The following ZNF254 variants were observed in gnomAD, a reference collection of about 807,000 sequenced individuals.
ZNF254 encodes zinc finger protein 254.
Under a neutral mutation model 12.4 loss-of-function variants are expected in ZNF254, and 10 were observed. The ratio of observed to expected loss-of-function variants is 0.80; its 90% CI spans 0.50 to 1.36. The LOEUF (loss-of-function observed/expected upper bound fraction) is 1.36, where lower values mean the gene tolerates loss of function less well. ZNF254 is among the 40% of genes most tolerant of loss of function. The pLI, the probability that ZNF254 is intolerant of heterozygous loss-of-function variation, is 0.00. For synonymous variants in ZNF254, 305 were observed against 253.4 expected (o/e 1.20, Z -1.93); for missense variants, 996 against 763.9 (o/e 1.30, Z -3.58).
upstream of ZNF254, among the ~76,000 whole-genome samples, chr19:24,084,245 C>A (rs1238105305): frequency 6.7e-6 from 1 of 149,814 alleles, no homozygotes; most frequent in Non-Finnish European, 1.5e-5. Context: ...AAAATAATAG[C>A]ACTTGCAGCA....
chr19:24,080,359 C>G (rs1971803817), intron 2 of ZNF254: 1 of 152,194 alleles, frequency 6.6e-6, no homozygotes, highest in Non-Finnish European at 1.5e-5. Flanking sequence ...AAACTGACCA[C>G]TGGAAGAGGG....
chr19:24,060,663 T>G (rs1971032153), intron 2 of ZNF254, among the ~76,000 whole-genome samples: 1 of 152,136 alleles, frequency 6.6e-6, no homozygotes. Flanking sequence ...CACAAATGAT[T>G]CTATTCTTCT....
intron 1 of ZNF254, among the ~76,000 whole-genome samples, chr19:24,092,247 A>G (rs776703118): frequency 1.3e-5 from 2 of 150,354 alleles, no homozygotes; most frequent in African/African-American, 4.9e-5. Context: ...GCTCACCTCA[A>G]CCTACACCTC....
chr19:24,126,205 T>A, intron 3 of ZNF254, 49 bp from the exon 4 acceptor site: 1 of 1,235,330 alleles, frequency 8.1e-7, no homozygotes, highest in East Asian at 2.8e-5. Context: ...ACTATATTCA[T>A]GTGAGTCTAG....
intron 1 of ZNF254, among the ~76,000 whole-genome samples, chr19:24,088,900 G>T (rs1042091025): frequency 1.3e-5 from 2 of 148,996 alleles, no homozygotes; most frequent in East Asian, 3.9e-4. Context: ...CAAGCGATCC[G>T]CCTGCATCAG....
At chr19:24,104,414 G>C (rs1473317638) in intron 1 of ZNF254, 2 of 152,252 alleles carry the variant, frequency 1.3e-5, no homozygotes, top group Non-Finnish European at 2.9e-5. Flanking sequence ...AAGAATTCTA[G>C]AGGAGGAGGA....
chr19:24,055,232 A>AAAAAAAAAAAAAAAG lies in ZNF254; in HGVS notation c.-94+8953_-94+8954insAAAAAAAAAAAAAAG, dbSNP rs1555753129. ...AAAAAAAAAAAAAAAAAAAAAAAAA[A>AAAAAAAAAAAAAAAG]GAGTGTACTAACAAGACCCAGCACA... On this transcript the variant is annotated intron_variant, in intron 2 of 4. Transcript: ENST00000613065. 5.2e-3 allele frequency among the ~76,000 whole-genome samples: 635 copies of AAAAAAAAAAAAAAAG among 122,594 alleles called. 68 individuals carry two copies. Among genetic ancestry groups the AAAAAAAAAAAAAAAG allele is most frequent in the Non-Finnish European group, 8.3e-3 (460 of 55,402 alleles). The allele number at this position is 122,594 out of a possible 152,430, so 80.4% of individuals were successfully genotyped here. A position where few individuals can be genotyped will look rare whatever the true frequency, so the allele number is the denominator to read the frequency against.
intron 2 of ZNF254, among the ~76,000 whole-genome samples, chr19:24,057,415 C>A (rs767087492): frequency 3.0e-4 from 46 of 152,272 alleles, no homozygotes; most frequent in Non-Finnish European, 5.0e-4. Flanking sequence ...TGTTAACTCT[C>A]ATATCTGGGC....
chr19:24,082,108 A>G (rs1463359328), intron 2 of ZNF254, among the ~76,000 whole-genome samples: 2 of 151,274 alleles, frequency 1.3e-5, no homozygotes, highest in Non-Finnish European at 2.9e-5. Context: ...GGGCAACAAG[A>G]GTGAAACTCT....
chr19:24,126,550 T>C lies in ZNF254; in HGVS notation c.550T>C (p.Cys184Arg). Residue 184 changes from cysteine (C) to arginine (R), a missense_variant, in exon 4 of 4, where the codon TGT (cysteine) becomes CGT (arginine). Coordinates refer to ENST00000357002, the MANE Select transcript of ZNF254 (RefSeq NM_203282.4). ...ACATACTGAAAAGAAATCTTTCAAA[T>C]GTAAAAAACGTGTCAAATTATTTTG... ...IRHTEKKSFKCKKRVKLFCML... is the reference protein window; with the variant it reads ...IRHTEKKSFKRKKRVKLFCML... The C allele has an allele frequency of 6.2e-7, 1 of 1,602,892 alleles. No homozygotes were observed. Among genetic ancestry groups the C allele is most frequent in the Non-Finnish European group, 8.5e-7 (1 of 1,176,920 alleles).
At chr19:24,077,484 T>A (rs1305485843) in intron 2 of ZNF254, among the ~76,000 whole-genome samples, 1 of 152,212 alleles carries the variant, frequency 6.6e-6, no homozygotes, top group East Asian at 1.9e-4. Flanking sequence ...GGGACTCTGG[T>A]TTCTTGATAG....
intron 3 of ZNF254, among the ~76,000 whole-genome samples, chr19:24,116,565 C>T (rs952332918): frequency 7.9e-5 from 12 of 152,034 alleles, no homozygotes; most frequent in Non-Finnish European, 1.2e-4. Context: ...TTAAGCACTT[C>T]TCTATATTGG....
Position 24,129,115 on chromosome 19 carries a change from C to G in ZNF254, c.*1135C>G, listed in dbSNP as rs1975082367. On this transcript the variant is annotated 3_prime_UTR_variant, in exon 4 of 4. Transcript: ENST00000357002. ...CGTGAGGAAAATTTAGGTAGAGAGGCTCTTTGTGGTTAACTTATAATATTG... is the reference window on the plus strand; with the variant it reads ...CGTGAGGAAAATTTAGGTAGAGAGGGTCTTTGTGGTTAACTTATAATATTG... 6.6e-6 allele frequency: 1 copy of G among 151,822 alleles called. No homozygotes were observed. Among genetic ancestry groups the G allele is most frequent in the Non-Finnish European group, 1.5e-5 (1 of 67,854 alleles). The allele number at this position is 151,822 out of a possible 1,614,324, so 9.4% of individuals were successfully genotyped here.
At chr19:24,074,419 G>A (rs1363578124) in intron 2 of ZNF254, among the ~76,000 whole-genome samples, 1 of 152,184 alleles carries the variant, frequency 6.6e-6, no homozygotes, top group Non-Finnish European at 1.5e-5. Flanking sequence ...ACATATCTGT[G>A]AATCCATCAT....
intron 1 of ZNF254, among the ~76,000 whole-genome samples, chr19:24,088,964 CTTTTT>C (rs74175785): frequency 3.0e-5 from 3 of 99,286 alleles, no homozygotes; most frequent in African/African-American, 1.1e-4. Flanking sequence ...GCCAATTAAT[CTTTTT>C]TTTTTTTTTT....
At chr19:24,118,307 C>T (rs1369977658) in intron 3 of ZNF254, among the ~76,000 whole-genome samples, 1 of 152,100 alleles carries the variant, frequency 6.6e-6, no homozygotes, top group East Asian at 1.9e-4. Flanking sequence ...CCGCATCAGC[C>T]TCCCAAAGTG....
chr19:24,044,125 A>T (rs974524910), intron 1 of ZNF254, among the ~76,000 whole-genome samples: 26 of 152,084 alleles, frequency 1.7e-4, no homozygotes, highest in Middle Eastern at 3.4e-3. Context: ...CTGTAATCCT[A>T]GCTACTCAGG....
At chr19:24,109,895 AT>A (rs748822710) in intron 3 of ZNF254, among the ~76,000 whole-genome samples, 449 of 124,382 alleles carry the variant, frequency 3.6e-3, no homozygotes, top group Non-Finnish European at 3.5e-3. Flanking sequence ...CTAATTTTGT[AT>A]TTTTTTTTTT....
At chr19:24,107,120 T>C in intron 3 of ZNF254, 1 of 497,094 alleles carries the variant, frequency 2.0e-6, no homozygotes, top group Admixed American at 3.9e-5. Flanking sequence ...GAAATATAGT[T>C]TGAAAGTACA....
Sources: allele counts gnomAD v4.1 joint callset (sites outside exome capture counted in the v4.1 genomes callset), GRCh38; gene constraint gnomAD v4.1.1; transcripts MANE v1.5; gene names NCBI Gene and HGNC (gene_info 2026-07-23, HGNC 2026-07-21).